Variants in ANO2 observed in about 807,000 individuals in gnomAD.
The protein encoded by ANO2 is anoctamin-2.
A neutral mutation model predicts 124.2 loss-of-function variants in ANO2; 101 were observed. That is an observed-to-expected ratio of 0.81 (90% confidence interval 0.69 to 0.96). ANO2 has a LOEUF of 0.96. Ranked by LOEUF, ANO2 falls within the 40% of genes least tolerant of loss-of-function variation. ANO2 has a pLI of 0.00. For synonymous variants in ANO2, 486 were observed against 482.5 expected, an observed-to-expected ratio of 1.01 and a Z score of -0.09; for missense variants, 1,293 against 1,274.5, an observed-to-expected ratio of 1.01 and a Z score of -0.22.
intron 20 of ANO2, among the ~76,000 whole-genome samples, chr12:5,589,333 G>C (rs541124712): frequency 2.0e-5 from 3 of 152,102 alleles, no homozygotes; most frequent in Non-Finnish European, 2.9e-5. Context: ...GGAAGAAAAG[G>C]GGTGGCAGGA....
Position 5,921,367 on chromosome 12 carries a change from C to G in ANO2, c.208-1G>C, listed in dbSNP as rs1398353532. The stretch of plus-strand genomic sequence containing the variant: ...TGGCATCCAGATAGTTGTTGATGAC[C>G]TGGCCAGAGAGAGAGGAGAGGCAGG... On this transcript the variant is annotated splice_acceptor_variant, in intron 2 of 24. Coordinates refer to ENST00000682330, the MANE Select transcript of ANO2 (RefSeq NM_001364791.2). LOFTEE classifies it high-confidence loss of function. The G allele has an allele frequency of 6.2e-7, 1 of 1,612,878 alleles. No homozygotes were observed. The highest frequency in any genetic ancestry group is 8.5e-7 in the Non-Finnish European group (1 of 1,179,242).
At chr12:5,844,109 G>A (rs1472106696) in intron 4 of ANO2, among the ~76,000 whole-genome samples, 1 of 152,184 alleles carries the variant, frequency 6.6e-6, no homozygotes, top group East Asian at 1.9e-4. Context: ...AGGATGAGTA[G>A]TATATGTTTA....
At chr12:5,584,557 G>C (rs915685450) in intron 20 of ANO2, among the ~76,000 whole-genome samples, 2 of 152,196 alleles carry the variant, frequency 1.3e-5, no homozygotes, top group Non-Finnish European at 2.9e-5. Flanking sequence ...GATTCCGCTA[G>C]AAACAGCCCA....
In ANO2 at chr12:5,908,809, C is replaced by T. The variant is rs1940861492; in HGVS notation, c.534+12231G>A. 6.6e-6 allele frequency among the ~76,000 whole-genome samples: 1 copy of T among 152,184 alleles called. No homozygotes were observed. Among genetic ancestry groups the T allele is most frequent in the African/African-American group, 2.4e-5 (1 of 41,446 alleles). On this transcript the variant is annotated intron_variant, in intron 3 of 24. Transcript: ENST00000682330. The surrounding 1 kb of genome is among the most constrained non-coding windows in gnomAD (Gnocchi z 4.7). The stretch of plus-strand genomic sequence containing the variant: ...CCATTGTAACTGTCGCTTTGTTTTC[C>T]CTTACAATTGTGTGCACAGAATAGG...
intron 16 of ANO2, among the ~76,000 whole-genome samples, chr12:5,618,750 T>G (rs1944965237): frequency 6.6e-6 from 1 of 152,206 alleles, no homozygotes; most frequent in African/African-American, 2.4e-5. Flanking sequence ...CAGCTGTGTG[T>G]CAGGTGCCAG....
chr12:5,862,905 CT>C lies in ANO2; in HGVS notation c.535-8765del, dbSNP rs1204101351. Among the ~76,000 whole-genome samples, 1 of 152,200 alleles carries C rather than the reference CT, an allele frequency of 6.6e-6. No homozygotes were observed. Among genetic ancestry groups the C allele is most frequent in the East Asian group, 1.9e-4 (1 of 5,194 alleles). On this transcript the variant is annotated intron_variant, in intron 3 of 24. Transcript: ENST00000682330. The surrounding 1 kb of genome is among the most constrained non-coding windows in gnomAD (Gnocchi z 4.0). ...TCCCAGGTTCAAGCAATCCTCCAGC[CT>C]CAGCCTCCTGAGTAGCTGGGATTAC...
Position 5,606,413 on chromosome 12 carries a change from T to C in ANO2, c.2087+6243A>G, listed in dbSNP as rs183630155. Among the ~76,000 whole-genome samples, 48 of 152,360 alleles carry C rather than the reference T, an allele frequency of 3.2e-4. 1 individual carries two copies. The highest frequency in any genetic ancestry group is 1.0e-3 in the South Asian group (5 of 4,828). On this transcript the variant is annotated intron_variant, in intron 19 of 24. Transcript: ENST00000682330. Reference sequence around the variant, plus strand: ...TGCCAGGGCTTGCACTCTCATTTTTTACAAAGAGAAGGCAGATCTTAGTCA... The same window carrying C: ...TGCCAGGGCTTGCACTCTCATTTTTCACAAAGAGAAGGCAGATCTTAGTCA...
chr12:5,939,454 T>C (rs1397481315), intron 1 of ANO2, among the ~76,000 whole-genome samples: 1 of 152,108 alleles, frequency 6.6e-6, no homozygotes, highest in Non-Finnish European at 1.5e-5. Context: ...CCATCCTCCA[T>C]CCCTGCCTTT....
At chr12:5,709,909 G>A (rs1392743332) in intron 14 of ANO2, among the ~76,000 whole-genome samples, 1 of 152,292 alleles carries the variant, frequency 6.6e-6, no homozygotes, top group Non-Finnish European at 1.5e-5. Flanking sequence ...GGACAGTGGT[G>A]GGAAATAGAA....
intron 3 of ANO2, among the ~76,000 whole-genome samples, chr12:5,888,131 T>C (rs1939085329): frequency 6.6e-6 from 1 of 152,110 alleles, no homozygotes; most frequent in Non-Finnish European, 1.5e-5. Context: ...GTTCGGAGTT[T>C]CTTCCTCCTG....
intron 3 of ANO2, among the ~76,000 whole-genome samples, chr12:5,912,889 T>C (rs1357086092): frequency 6.6e-6 from 1 of 152,136 alleles, no homozygotes; most frequent in Non-Finnish European, 1.5e-5. Context: ...CATGGCAGCG[T>C]CACGAATAAA....
intron 3 of ANO2, among the ~76,000 whole-genome samples, chr12:5,881,179 G>T (rs762775976): frequency 1.3e-5 from 2 of 152,026 alleles, no homozygotes; most frequent in Non-Finnish European, 2.9e-5. Flanking sequence ...TATTGAGAGG[G>T]GCCTTCCAAA....
intron 16 of ANO2, among the ~76,000 whole-genome samples, chr12:5,631,114 T>C (rs370851528): frequency 1.5e-4 from 23 of 152,244 alleles, no homozygotes; most frequent in South Asian, 4.2e-4. Flanking sequence ...AACCAAGATA[T>C]TGAGATGAAT....
At chr12:5,566,103 G>A (rs1486670353) in intron 23 of ANO2, among the ~76,000 whole-genome samples, 1 of 152,174 alleles carries the variant, frequency 6.6e-6, no homozygotes, top group African/African-American at 2.4e-5. Context: ...ACACCAGCAG[G>A]CAGTCTTGGG....
intron 14 of ANO2, among the ~76,000 whole-genome samples, chr12:5,701,664 G>A (rs1949410292): frequency 2.0e-5 from 3 of 152,186 alleles, no homozygotes; most frequent in Admixed American, 2.0e-4. Context: ...ATGACTCCAT[G>A]TGACTGATCT....
At chr12:5,625,695 C>G (rs989194016) in intron 16 of ANO2, among the ~76,000 whole-genome samples, 1 of 152,100 alleles carries the variant, frequency 6.6e-6, no homozygotes, top group Non-Finnish European at 1.5e-5. Context: ...AGCCAGCCAG[C>G]CTGGAGGAGT....
intron 12 of ANO2, chr12:5,741,019 C>A (rs1951077138): frequency 6.6e-6 from 1 of 152,572 alleles, no homozygotes; most frequent in African/African-American, 2.4e-5. Flanking sequence ...GGCACCCTGT[C>A]CTCCTCACTC....
intron 14 of ANO2, among the ~76,000 whole-genome samples, chr12:5,662,812 TATTAAA>T (rs1349472344): frequency 1.3e-5 from 2 of 152,196 alleles, no homozygotes; most frequent in East Asian, 3.9e-4. Context: ...TCTTCTTCTT[TATTAAA>T]ATCAAGGGGC....
intron 11 of ANO2, among the ~76,000 whole-genome samples, chr12:5,748,834 C>A (rs1951349497): frequency 6.7e-6 from 1 of 148,446 alleles, no homozygotes; most frequent in East Asian, 2.0e-4. Context: ...GGCCTCCCTC[C>A]CTCCCCTCTC....
Sources: gnomAD v4.1 joint callset for allele counts (sites outside exome capture counted in the v4.1 genomes callset) on GRCh38, gnomAD v4.1.1 for gene constraint, Gnocchi (gnomAD v3.1) non-coding constraint, MANE v1.5 for transcripts, NCBI Gene and HGNC (gene_info 2026-07-23, HGNC 2026-07-21) for gene names.